Variants in RPGRIP1L observed in about 807,000 individuals in gnomAD.
RPGRIP1L encodes the protein protein fantom.
RPGRIP1L carries 131 observed loss-of-function variants against 160.4 expected under a neutral mutation model. The ratio of observed to expected loss-of-function variants is 0.82; its 90% CI spans 0.71 to 0.94. The LOEUF is 0.94. RPGRIP1L is among the 40% of genes least tolerant of loss of function. The probability of loss-of-function intolerance (pLI) is 0.00; values close to 1 mark genes in which losing one functional copy is unlikely to be tolerated. For missense variants in RPGRIP1L, 1,522 were observed against 1,535.8 expected, an observed-to-expected ratio of 0.99 and a Z score of 0.15; for synonymous variants, 510 against 515.8, an observed-to-expected ratio of 0.99 and a Z score of 0.15.
At chr16:53,617,454 G>A (rs1964455517) in intron 24 of RPGRIP1L, among the ~76,000 whole-genome samples, 2 of 152,136 alleles carry the variant, frequency 1.3e-5, no homozygotes, top group Admixed American at 6.5e-5. Flanking sequence ...TGCAACTGAT[G>A]ATTTCCAAGA....
At chr16:53,637,948 A>G in intron 20 of RPGRIP1L, 94 bp from the exon 21 acceptor site, 1 of 1,266,626 alleles carries the variant, frequency 7.9e-7, no homozygotes, top group Non-Finnish European at 1.1e-6. Context: ...AAGCATGTAA[A>G]TTTGAGACTT....
intron 22 of RPGRIP1L, among the ~76,000 whole-genome samples, chr16:53,625,562 G>C (rs527683797): frequency 1.8e-3 from 268 of 148,586 alleles, no homozygotes; most frequent in African/African-American, 6.2e-3. Flanking sequence ...CGTCTTGGGG[G>C]TGGGGGGGCC....
intron 2 of RPGRIP1L, among the ~76,000 whole-genome samples, chr16:53,700,099 T>C (rs762158593): frequency 6.6e-5 from 10 of 152,236 alleles, no homozygotes; most frequent in Non-Finnish European, 1.5e-4. Flanking sequence ...TTCTAAATTG[T>C]TCTTTAAAGT....
chr16:53,679,822 A>G (rs1027057481), intron 6 of RPGRIP1L, among the ~76,000 whole-genome samples: 1 of 152,204 alleles, frequency 6.6e-6, no homozygotes, highest in Non-Finnish European at 1.5e-5. Flanking sequence ...CCTAGAGAGA[A>G]AAACAGCTGT....
At chr16:53,612,489 A>ACTT (rs756195329) in intron 24 of RPGRIP1L, among the ~76,000 whole-genome samples, 1 of 131,574 alleles carries the variant, frequency 7.6e-6, no homozygotes. Context: ...TCCAAATGGG[A>ACTT]TTTTTTTTTT....
intron 24 of RPGRIP1L, among the ~76,000 whole-genome samples, chr16:53,612,252 C>T (rs550800654): frequency 4.6e-5 from 7 of 152,202 alleles, no homozygotes; most frequent in Admixed American, 4.6e-4. Flanking sequence ...TCTGGATAGC[C>T]AAAGTCAAAC....
chr16:53,650,027 T>C (rs1348310533), intron 15 of RPGRIP1L, among the ~76,000 whole-genome samples: 1 of 152,232 alleles, frequency 6.6e-6, no homozygotes, highest in African/African-American at 2.4e-5. Flanking sequence ...ATTTTTTCCC[T>C]GCTAATGGAT....
chr16:53,645,619 G>A lies in RPGRIP1L; in HGVS notation c.2683+6C>T. 1 of 1,612,150 alleles carries A rather than the reference G, an allele frequency of 6.2e-7. No homozygotes were observed. Among genetic ancestry groups the A allele is most frequent in the African/African-American group, 1.3e-5 (1 of 74,954 alleles). On this transcript the variant is annotated splice_donor_region_variant and intron_variant, in intron 17 of 26. Transcript: ENST00000647211. Reference sequence around the variant, plus strand: ...CAATTTTATAGATTCAAAAACATAGGCTTACCTGAGATACACCTGTCATGT... The same window carrying A: ...CAATTTTATAGATTCAAAAACATAGACTTACCTGAGATACACCTGTCATGT...
At chr16:53,625,127 C>A (rs1239192716) in intron 22 of RPGRIP1L, among the ~76,000 whole-genome samples, 1 of 152,206 alleles carries the variant, frequency 6.6e-6, no homozygotes, top group African/African-American at 2.4e-5. Context: ...CCTCCACCTC[C>A]CAGCCGCCTG....
chr16:53,605,353 T>G (rs1233728348), intron 26 of RPGRIP1L, 128 bp downstream of exon 26: 1 of 1,029,530 alleles, frequency 9.7e-7, no homozygotes, highest in Admixed American at 1.7e-5. Flanking sequence ...AGCGTCAACT[T>G]GAGTTGTAAA....
intron 25 of RPGRIP1L, 138 bp from the exon 26 acceptor site, chr16:53,605,752 A>C (rs1963642437): frequency 2.4e-6 from 2 of 836,778 alleles, no homozygotes; most frequent in South Asian, 1.4e-5. Context: ...AAGGTACACT[A>C]GGCTAGATAA....
chr16:53,673,903 T>C (rs1468391521), intron 7 of RPGRIP1L, among the ~76,000 whole-genome samples: 1 of 152,188 alleles, frequency 6.6e-6, no homozygotes, highest in African/African-American at 2.4e-5. Context: ...CCTGTTATTG[T>C]TGGTATTTAA....
Position 53,641,320 on chromosome 16 carries a change from GTCTTTGAACAACT to G in RPGRIP1L, c.2826_2838del (p.Glu942AspfsTer11). The G allele has an allele frequency of 6.2e-7, 1 of 1,614,048 alleles. No homozygotes were observed. The highest frequency in any genetic ancestry group is 2.2e-5 in the East Asian group (1 of 44,866). On this transcript the variant is annotated frameshift_variant, in exon 18 of 27. Transcript: ENST00000647211. LOFTEE classifies it high-confidence loss of function. ...GTGCTAACAGAGGATGCTGGAGGAA[GTCTTTGAACAACT>G]TCTGGCTCTTCGCTGCGAATGAAAT... is the stretch of plus-strand genomic sequence containing the variant.
At chr16:53,616,834 G>A (rs1642193758) in intron 24 of RPGRIP1L, among the ~76,000 whole-genome samples, 1 of 151,904 alleles carries the variant, frequency 6.6e-6, no homozygotes, top group African/African-American at 2.4e-5. Flanking sequence ...CACTTTGGGA[G>A]GCTGAGGCAG....
At chr16:53,693,038 CTTT>C in intron 3 of RPGRIP1L, among the ~76,000 whole-genome samples, 1 of 152,208 alleles carries the variant, frequency 6.6e-6, no homozygotes, top group African/African-American at 2.4e-5. Flanking sequence ...GAGTTTATAC[CTTT>C]GATTCTTTTA....
intron 6 of RPGRIP1L, among the ~76,000 whole-genome samples, chr16:53,680,811 AG>A (rs1969549586): frequency 6.6e-6 from 1 of 151,968 alleles, no homozygotes; most frequent in South Asian, 2.1e-4. Flanking sequence ...AAGGGAAGTG[AG>A]GAATGAGTGA....
intron 24 of RPGRIP1L, among the ~76,000 whole-genome samples, chr16:53,616,792 C>T (rs2150957114): frequency 6.6e-6 from 1 of 152,088 alleles, no homozygotes; most frequent in Admixed American, 6.5e-5. Context: ...CACAACCAGG[C>T]TGGGCATGGT....
chr16:53,696,293 T>C lies in RPGRIP1L; in HGVS notation c.88A>G (p.Thr30Ala). ...NLFGMGGLQETSTTRTMKSRQ... is the reference protein window; with the variant it reads ...NLFGMGGLQEASTTRTMKSRQ... ...GACTTCATTGTCCGTGTTGTTGAAG[T>C]TTCTGCAAAAATGCCAAGATAATTA... Residue 30 changes from threonine (T) to alanine (A), a missense_variant and splice_region_variant, in exon 3 of 27, where the codon ACT (threonine) becomes GCT (alanine). Transcript: ENST00000647211. The C allele has an allele frequency of 6.2e-7, 1 of 1,614,008 alleles. No individual in the cohort carries two copies. The highest frequency in any genetic ancestry group is 2.2e-5 in the East Asian group (1 of 44,848).
At position 53,638,709 on chromosome 16, in the gene RPGRIP1L, T is replaced by C. The variant is rs574830429; in HGVS notation, c.2959-298A>G. On this transcript the variant is annotated intron_variant, in intron 19 of 26. Coordinates refer to ENST00000647211, the MANE Select transcript of RPGRIP1L (RefSeq NM_015272.5). ...AGGGCATTAGTTAAATAAAATATGC[T>C]ATATCCAAATACCTGAGTTCTGTGT... Among the ~76,000 whole-genome samples, 94 of 151,956 alleles carry C rather than the reference T, an allele frequency of 6.2e-4. 1 individual carries two copies. The Middle Eastern group carries it at 0.014, about 22-fold the overall frequency.
Sources: allele counts gnomAD v4.1 joint callset (sites outside exome capture counted in the v4.1 genomes callset), GRCh38; gene constraint gnomAD v4.1.1; transcripts MANE v1.5; gene names NCBI Gene and HGNC (gene_info 2026-07-23, HGNC 2026-07-21).